The following NKTR variants were observed in gnomAD, a reference collection of about 807,000 sequenced individuals.
NKTR encodes the protein natural killer cell triggering receptor, also known as NK-tumor recognition protein.
A neutral mutation model predicts 156.3 loss-of-function variants in NKTR; 67 were observed. The observed-to-expected ratio is 0.43, with a 90% CI of 0.35 to 0.53. The LOEUF (loss-of-function observed/expected upper bound fraction) is 0.53. Ranked by LOEUF, NKTR falls within the 20% of genes least tolerant of loss-of-function variation. The pLI is 0.01. For missense variants in NKTR, 1,604 were observed against 1,730.9 expected, an observed-to-expected ratio of 0.93 and a Z score of 1.30; for synonymous variants, 640 against 596.6, an observed-to-expected ratio of 1.07 and a Z score of -1.06.
chr3:42,630,855 A>T, intron 7 of NKTR: 1 of 1,348,262 alleles, frequency 7.4e-7, no homozygotes, highest in East Asian at 2.8e-5. Flanking sequence ...TCGGATAGTA[A>T]GCAGTACAAT....
chr3:42,610,457 ATG>A (rs1439787345), intron 2 of NKTR, among the ~76,000 whole-genome samples: 2 of 152,068 alleles, frequency 1.3e-5, no homozygotes, highest in Non-Finnish European at 2.9e-5. Flanking sequence ...ATCTGAGAAT[ATG>A]TGTGTCATAT....
At chr3:42,628,892 C>T (rs1708641807) in intron 6 of NKTR, 1 of 240,096 alleles carries the variant, frequency 4.2e-6, no homozygotes, top group Admixed American at 6.5e-5. Flanking sequence ...ATCCCAGCTA[C>T]TCAGGAGGCT....
rs562241759 is a variant in NKTR, at chr3:42,619,727, C to T, written c.286+19C>T. The T allele has an allele frequency of 2.4e-5, 38 of 1,606,958 alleles. No homozygotes were observed. Among genetic ancestry groups the T allele is most frequent in the South Asian group, 1.7e-4 (15 of 90,062 alleles). On this transcript the variant is annotated intron_variant, in intron 5 of 16. Transcript: ENST00000232978. ...TTTAAAGGTAAGGCTTAATATTTTACGGTCTTTTGTTTCAGTTCTGATATT... is the reference window on the plus strand; with the variant it reads ...TTTAAAGGTAAGGCTTAATATTTTATGGTCTTTTGTTTCAGTTCTGATATT...
At chr3:42,603,763 T>A (rs1705872863) in intron 2 of NKTR, among the ~76,000 whole-genome samples, 2 of 146,884 alleles carry the variant, frequency 1.4e-5, no homozygotes, top group South Asian at 4.3e-4. Context: ...TGAGGCGAAG[T>A]CTCACTTTTT....
rs1276320695 is a variant in NKTR, at chr3:42,638,454, ATTC to A, written c.2752_2754del (p.Ser918del). The A allele has an allele frequency of 6.2e-7, 1 of 1,611,794 alleles. No homozygotes were observed. Among genetic ancestry groups the A allele is most frequent in the Non-Finnish European group, 8.5e-7 (1 of 1,179,376 alleles). Reference sequence around the variant, plus strand: ...AAGGAAGAAGGTGAGGCCACATCCGATTCTGAATCAGAGGTTAGTGAAATTCAC... The same window carrying A: ...AAGGAAGAAGGTGAGGCCACATCCGATGAATCAGAGGTTAGTGAAATTCAC... On this transcript the variant is annotated inframe_deletion, in exon 13 of 17. Transcript: ENST00000232978.
At position 42,619,652 on chromosome 3, in the gene NKTR, G is replaced by T; in HGVS notation, c.242-12G>T. On this transcript the variant is annotated splice_polypyrimidine_tract_variant and intron_variant, in intron 4 of 16. Transcript: ENST00000232978. ...ATGTTCATTATGGCTTAAAGTAGGT[G>T]ATTATTTGCAGGTAATGGAAAAGGT... 2 of 1,605,220 alleles carry T rather than the reference G, an allele frequency of 1.2e-6. No individual in the cohort carries two copies. The highest frequency in any genetic ancestry group is 2.2e-5 in the East Asian group (1 of 44,544).
chr3:42,601,184 T>G, intron 2 of NKTR, 120 bp downstream of exon 2: 1 of 738,608 alleles, frequency 1.4e-6, no homozygotes, highest in Non-Finnish European at 2.1e-6. Context: ...GCAGGCAACT[T>G]TCCGTTTTCT....
At chr3:42,621,673 C>T (rs1326117972) in intron 6 of NKTR, among the ~76,000 whole-genome samples, 157 bp downstream of exon 6, 2 of 151,950 alleles carry the variant, frequency 1.3e-5, no homozygotes, top group Non-Finnish European at 2.9e-5. Flanking sequence ...GGTCTAACAA[C>T]TGCCTCAGCA....
At chr3:42,630,053 T>TA in intron 6 of NKTR, 4 of 985,574 alleles carry the variant, frequency 4.1e-6, no homozygotes, top group Non-Finnish European at 4.8e-6. Context: ...TCTGCCTGCC[T>TA]AAAAATGTGG....
intron 12 of NKTR, 48 bp from the exon 13 acceptor site, chr3:42,636,820 G>A: frequency 9.2e-6 from 14 of 1,516,464 alleles, no homozygotes; most frequent in Non-Finnish European, 1.2e-5. Context: ...TTAAGGTGTA[G>A]AAAACATGCT....
chr3:42,615,469 A>G (rs546884813), intron 2 of NKTR, among the ~76,000 whole-genome samples: 22 of 152,044 alleles, frequency 1.4e-4, no homozygotes, highest in African/African-American at 4.3e-4. Context: ...ACTGTTTTCA[A>G]GTGTGTGTTG....
At position 42,632,761 on chromosome 3, in the gene NKTR, GA is replaced by G; in HGVS notation, c.712del (p.Arg238GlyfsTer17). On this transcript the variant is annotated frameshift_variant, in exon 9 of 17. Transcript: ENST00000232978. LOFTEE classifies it high-confidence loss of function. ...RRPKVKRSKK[R>X]RKEASSSEEP... ...GGCCAAAAGTTAAACGTTCTAAAAA[GA>G]GGCGAAAGGAAGCAAGCAGTTCAGA... is the stretch of plus-strand genomic sequence containing the variant. 6.2e-7 allele frequency: 1 copy of G among 1,612,634 alleles called. No individual in the cohort carries two copies. Among genetic ancestry groups the G allele is most frequent in the Non-Finnish European group, 8.5e-7 (1 of 1,179,670 alleles).
At chr3:42,636,845 T>C in intron 12 of NKTR, 23 bp from the exon 13 acceptor site, 1 of 1,530,528 alleles carries the variant, frequency 6.5e-7, no homozygotes, top group South Asian at 1.3e-5. Flanking sequence ...AATCACCGCA[T>C]GAATATTATG....
At position 42,639,253 on chromosome 3, in the gene NKTR, C is replaced by T. The variant is rs534986299; in HGVS notation, c.3549C>T (p.Ser1183=). The change falls in exon 13 of 17, where the codon TCC becomes TCT. Residue 1183 remains serine (S), a synonymous_variant. Coordinates refer to ENST00000232978, the MANE Select transcript of NKTR (RefSeq NM_005385.4). ...AEVVKQESSM[S]ESKVLGEVGK... is the part of the protein sequence containing the mutation. ...TAGTAAAACAGGAAAGCAGCATGTCCGAAAGTAAAGTGTTGGGTGAAGTGG... is the reference window on the plus strand; with the variant it reads ...TAGTAAAACAGGAAAGCAGCATGTCTGAAAGTAAAGTGTTGGGTGAAGTGG... 1.1e-5 allele frequency: 18 copies of T among 1,613,968 alleles called. No individual in the cohort carries two copies. Among genetic ancestry groups the T allele is most frequent in the Middle Eastern group, 3.3e-4 (2 of 6,084 alleles).
rs1709482728 is a variant in NKTR at position 42,637,014 on chromosome 3, A to G, written c.1310A>G (p.Lys437Arg). 1 of 1,612,822 alleles carries G rather than the reference A, an allele frequency of 6.2e-7. No individual in the cohort carries two copies. Among genetic ancestry groups the G allele is most frequent in the Non-Finnish European group, 8.5e-7 (1 of 1,179,720 alleles). The stretch of plus-strand genomic sequence containing the variant: ...AAACGCAGAAAAGAAAAAAAGGTTA[A>G]GCATAAAAAGAAAGGGAAAAAGCAG... ...HKKRRKEKKVKHKKKGKKQKH... is the reference protein window; with the variant it reads ...HKKRRKEKKVRHKKKGKKQKH... Residue 437 changes from lysine to arginine, a missense_variant, in exon 13 of 17, where the codon AAG becomes AGG. This residue lies in a region of NKTR where 1,255 missense variants were observed against 1,243.7 expected (regional missense o/e 1.01). Transcript: ENST00000232978.
chr3:42,602,041 A>C (rs1316901875), intron 2 of NKTR: 1 of 152,236 alleles, frequency 6.6e-6, no homozygotes, highest in Non-Finnish European at 1.5e-5. Flanking sequence ...TATCAGAAGG[A>C]GATGAAGTGA....
chr3:42,616,143 C>A (rs1408344723), intron 2 of NKTR, among the ~76,000 whole-genome samples: 1 of 152,150 alleles, frequency 6.6e-6, no homozygotes, highest in Non-Finnish European at 1.5e-5. Context: ...GCCAGGAATA[C>A]AATACAGTCT....
Position 42,607,819 on chromosome 3 carries a change from A to T in NKTR, c.58+6755A>T, listed in dbSNP as rs558299506. On this transcript the variant is annotated intron_variant, in intron 2 of 16. Transcript: ENST00000232978. ...GAGGAGTTTTTTCCCACAGTAACAG[A>T]TTCTTCAAAGCCAACTAAGTGTCCA... Among the ~76,000 whole-genome samples, 46 of 152,094 alleles carry T rather than the reference A, an allele frequency of 3.0e-4. No homozygotes were observed. The South Asian group carries it at 9.4e-3, about 31-fold the overall frequency.
At chr3:42,603,360 TA>T (rs376932471) in intron 2 of NKTR, among the ~76,000 whole-genome samples, 348 of 92,732 alleles carry the variant, frequency 3.8e-3, no homozygotes, top group Middle Eastern at 0.022. Context: ...ATCTTGTTTC[TA>T]AAAAAAAAAA....
Sources: gnomAD v4.1 joint callset for allele counts (sites outside exome capture counted in the v4.1 genomes callset) on GRCh38, gnomAD v4.1.1 for gene constraint, gnomAD v4.1.1 regional missense constraint, MANE v1.5 for transcripts, NCBI Gene and HGNC (gene_info 2026-07-23, HGNC 2026-07-21) for gene names.